The following NOTCH2 variants were observed in gnomAD, a reference collection of about 807,000 sequenced individuals.
NOTCH2 encodes notch receptor 2, also known as neurogenic locus notch homolog protein 2.
NOTCH2 carries 29 observed loss-of-function variants against 235.8 expected under a neutral mutation model. That is an observed-to-expected ratio of 0.12 (90% confidence interval 0.09 to 0.17). NOTCH2 has a LOEUF of 0.17. Among genes scored for constraint, NOTCH2 ranks in the 10% least tolerant of loss-of-function variants. The pLI is 1.00. For missense variants in NOTCH2, 2,285 were observed against 3,150.2 expected (o/e 0.73, Z 6.57); for synonymous variants, 1,086 against 1,141.5 (o/e 0.95, Z 0.98).
rs587680089 is a variant in NOTCH2, at chr1:119,966,624, A to G, written c.1454-135T>C. On this transcript the variant is annotated intron_variant, in intron 8 of 33. Transcript: ENST00000256646. Reference sequence around the variant, plus strand: ...CTGCAGAGAAAAAAGGAACTCTGCCATGATGAGAAATAGTCACTCCAAGTG... The same window carrying G: ...CTGCAGAGAAAAAAGGAACTCTGCCGTGATGAGAAATAGTCACTCCAAGTG... 5.1e-4 allele frequency: 365 copies of G among 711,578 alleles called. 10 individuals carry two copies. The South Asian group carries it at 5.2e-3, about 10-fold the overall frequency. The allele number at this position is 711,578 out of a possible 1,614,324, so 44.1% of individuals were successfully genotyped here. A position where few individuals can be genotyped will look rare whatever the true frequency, so the allele number is the denominator to read the frequency against.
intron 5 of NOTCH2, among the ~76,000 whole-genome samples, chr1:119,984,012 T>C (rs973336712): frequency 1.3e-5 from 2 of 152,152 alleles, no homozygotes; most frequent in Admixed American, 1.3e-4. Context: ...CCAGACCAAA[T>C]AGTTAATGCT....
chr1:119,989,510 T>C (rs1422257900), intron 4 of NOTCH2, among the ~76,000 whole-genome samples: 3 of 152,034 alleles, frequency 2.0e-5, no homozygotes, highest in Non-Finnish European at 2.9e-5. Flanking sequence ...GGCTGAAAAG[T>C]ATATCATCAA....
At chr1:119,949,750 G>A (rs1439171400) in intron 15 of NOTCH2, among the ~76,000 whole-genome samples, 1 of 152,098 alleles carries the variant, frequency 6.6e-6, no homozygotes, top group Non-Finnish European at 1.5e-5. Context: ...ACACAGTCAT[G>A]CTATGGCTAT....
In NOTCH2 at chr1:119,969,671, G is replaced by C. The variant is rs782274988; in HGVS notation, c.948C>G (p.Ala316=). The change falls in exon 6 of 34, where the codon GCC becomes GCG. Residue 316 remains alanine, a synonymous_variant. Transcript: ENST00000256646. ...PNACQNGGTC[A]NRNGGYGCVC... Reference sequence around the variant, plus strand: ...CACAGCCATAGCCTCCATTGCGGTTGGCACAGGTGCCCCCATTTTGACAGG... The same window carrying C: ...CACAGCCATAGCCTCCATTGCGGTTCGCACAGGTGCCCCCATTTTGACAGG... 1 of 1,614,126 alleles carries C rather than the reference G, an allele frequency of 6.2e-7. No individual in the cohort carries two copies. Among genetic ancestry groups the C allele is most frequent in the Non-Finnish European group, 8.5e-7 (1 of 1,179,988 alleles).
intron 22 of NOTCH2, 45 bp from the exon 23 acceptor site, chr1:119,929,257 C>A (rs1553194836): frequency 2.6e-6 from 4 of 1,539,204 alleles, no homozygotes; most frequent in African/African-American, 1.4e-5. Context: ...ATCCTTTTAA[C>A]CTGCTTTCCA....
intron 12 of NOTCH2, among the ~76,000 whole-genome samples, chr1:119,958,516 G>A (rs1211807981): frequency 2.0e-5 from 3 of 152,190 alleles, no homozygotes; most frequent in African/African-American, 7.2e-5. Flanking sequence ...AATTATTAAA[G>A]GGTAACATGT....
chr1:119,986,146 T>TG (rs2101182714), intron 5 of NOTCH2, among the ~76,000 whole-genome samples: 1 of 152,314 alleles, frequency 6.6e-6, no homozygotes, highest in South Asian at 2.1e-4. Context: ...AGCCCACTAC[T>TG]GGTACTGTAA....
rs1452557030 is a variant in NOTCH2, at chr1:120,021,268, CAT to C, written c.155+8636_155+8637del. ...TGCATAACACAGTCGCATGTGCACA[CAT>C]GTGTGCATACACACATATGACAGGA... On this transcript the variant is annotated intron_variant, in intron 2 of 33. Coordinates refer to ENST00000256646, the MANE Select transcript of NOTCH2 (RefSeq NM_024408.4). Among the ~76,000 whole-genome samples, 13 of 92,572 alleles carry C rather than the reference CAT, an allele frequency of 1.4e-4. No homozygotes were observed. In the East Asian group the frequency reaches 2.8e-3, roughly 20 times the overall value. 60.7% of individuals were successfully genotyped at this position (92,572 alleles called of 152,430 possible).
At chr1:119,963,512 T>C in intron 11 of NOTCH2, 62 bp downstream of exon 11, 1 of 1,402,228 alleles carries the variant, frequency 7.1e-7, no homozygotes, top group South Asian at 1.2e-5. Flanking sequence ...CTGAAACATC[T>C]GTGTAAACAG....
At chr1:119,919,202 A>T (rs587752910) in intron 31 of NOTCH2, 110 bp downstream of exon 31, 1 of 1,226,978 alleles carries the variant, frequency 8.2e-7, no homozygotes, top group Admixed American at 1.9e-5. Flanking sequence ...ACCTGCCCTA[A>T]TCTCTCAAAT....
intron 12 of NOTCH2, among the ~76,000 whole-genome samples, chr1:119,955,777 A>AT (rs1378934579): frequency 9.2e-5 from 14 of 151,786 alleles, no homozygotes; most frequent in Admixed American, 3.3e-4. Flanking sequence ...CTATTAATCC[A>AT]TTTTTTTTGA....
At chr1:119,940,985 A>G (rs1258219892) in intron 18 of NOTCH2, among the ~76,000 whole-genome samples, 1 of 152,236 alleles carries the variant, frequency 6.6e-6, no homozygotes, top group Non-Finnish European at 1.5e-5. Flanking sequence ...TACTATAGAT[A>G]CCTACAGAAA....
chr1:119,974,592 T>C (rs1019151378), intron 5 of NOTCH2, among the ~76,000 whole-genome samples: 11 of 152,210 alleles, frequency 7.2e-5, no homozygotes, highest in African/African-American at 2.7e-4. Context: ...ACCTCTCCTT[T>C]GTACAGTTTA....
chr1:120,066,195 G>C (rs1467480434), intron 1 of NOTCH2, among the ~76,000 whole-genome samples: 2 of 152,088 alleles, frequency 1.3e-5, no homozygotes, highest in African/African-American at 2.4e-5. Flanking sequence ...TGAGTCAGAA[G>C]CGTTAAACAC....
At chr1:119,942,818 C>G (rs1650107670) in intron 17 of NOTCH2, among the ~76,000 whole-genome samples, 1 of 151,808 alleles carries the variant, frequency 6.6e-6, no homozygotes, top group African/African-American at 2.4e-5. Context: ...TCAATTGTGC[C>G]TTGGATACTT....
chr1:119,977,922 C>T (rs1332574502), intron 5 of NOTCH2, among the ~76,000 whole-genome samples: 1 of 152,116 alleles, frequency 6.6e-6, no homozygotes, highest in African/African-American at 2.4e-5. Flanking sequence ...TGACTATACA[C>T]AATGGGATTA....
chr1:119,920,519 C>T (rs587631924), intron 29 of NOTCH2, 122 bp from the exon 30 acceptor site: 1 of 1,084,498 alleles, frequency 9.2e-7, no homozygotes, highest in East Asian at 2.5e-5. Context: ...TCCTACTCCT[C>T]CACCCCTCCA....
At chr1:120,041,581 C>CT (rs1654571065) in intron 1 of NOTCH2, among the ~76,000 whole-genome samples, 2 of 150,826 alleles carry the variant, frequency 1.3e-5, no homozygotes, top group Admixed American at 1.3e-4. Flanking sequence ...GAAGAGAACT[C>CT]TAGGTTTCTC....
rs59660919 is a variant in NOTCH2 at position 119,944,533 on chromosome 1, TAAAAAAA to T, written c.2753-2786_2753-2780del. ...CTGGGCGACAGAGCGAGACTCAGTC[TAAAAAAA>T]AAAAAAAAAAAAAAAGACCACCACA... On this transcript the variant is annotated intron_variant, in intron 17 of 33. Coordinates refer to ENST00000256646, the MANE Select transcript of NOTCH2 (RefSeq NM_024408.4). Among the ~76,000 whole-genome samples the T allele has an allele frequency of 6.9e-3, 438 of 63,180 alleles. 3 individuals carry two copies. Among genetic ancestry groups the T allele is most frequent in the African/African-American group, 0.026 (418 of 16,236 alleles). The allele number at this position is 63,180 out of a possible 152,430, so 41.4% of individuals were successfully genotyped here.
Sources: allele counts gnomAD v4.1 joint callset (sites outside exome capture counted in the v4.1 genomes callset), GRCh38; gene constraint gnomAD v4.1.1; transcripts MANE v1.5; gene names NCBI Gene and HGNC (gene_info 2026-07-23, HGNC 2026-07-21).